Variants in PLCB1 observed in about 807,000 individuals in gnomAD.
PLCB1 encodes the protein phospholipase C beta 1, also known as 1-phosphatidylinositol 4,5-bisphosphate phosphodiesterase beta-1.
Under a neutral mutation model 161.8 loss-of-function variants are expected in PLCB1, and 46 were observed. That is an observed-to-expected ratio of 0.28 (90% CI 0.22 to 0.36). PLCB1 has a LOEUF of 0.36. PLCB1 is among the 10% of genes least tolerant of loss of function. PLCB1 has a pLI of 1.00. For synonymous variants in PLCB1, 517 were observed against 503.7 expected, an observed-to-expected ratio of 1.03 and a Z score of -0.35; for missense variants, 1,016 against 1,472.5, an observed-to-expected ratio of 0.69 and a Z score of 5.07.
intron 2 of PLCB1, among the ~76,000 whole-genome samples, chr20:8,289,907 T>C (rs1397162371): frequency 6.6e-6 from 1 of 152,172 alleles, no homozygotes; most frequent in African/African-American, 2.4e-5. Context: ...CTAATAGAGG[T>C]GGATGATGGC....
At chr20:8,171,980 T>C (rs1016555745) in intron 2 of PLCB1, among the ~76,000 whole-genome samples, 2 of 152,098 alleles carry the variant, frequency 1.3e-5, no homozygotes, top group African/African-American at 4.8e-5. Context: ...TTGTTGCGTA[T>C]CATATGTTCT....
intron 3 of PLCB1, among the ~76,000 whole-genome samples, chr20:8,413,501 A>T (rs1350292993): frequency 2.6e-5 from 4 of 152,344 alleles, no homozygotes; most frequent in Non-Finnish European, 5.9e-5. Context: ...TTGATAATTA[A>T]AGTACACAAA....
At position 8,729,043 on chromosome 20, in the gene PLCB1, G is replaced by C; in HGVS notation, c.1764-7G>C. ...AATTGTATTCACTACTTAACATGAT[G>C]GTCCAGATATAACAAAATGCAGCTT... On this transcript the variant is annotated splice_polypyrimidine_tract_variant and splice_region_variant and intron_variant, in intron 17 of 31. Transcript: ENST00000338037. 1 of 1,594,138 alleles carries C rather than the reference G, an allele frequency of 6.3e-7. No individual in the cohort carries two copies. The highest frequency in any genetic ancestry group is 8.6e-7 in the Non-Finnish European group (1 of 1,168,152).
At chr20:8,339,752 TAAC>T (rs1273112548) in intron 2 of PLCB1, among the ~76,000 whole-genome samples, 1 of 152,206 alleles carries the variant, frequency 6.6e-6, no homozygotes, top group Non-Finnish European at 1.5e-5. Flanking sequence ...GCCAGTTACT[TAAC>T]AACCCCAAGT....
chr20:8,591,302 G>A (rs1008298361), intron 3 of PLCB1, among the ~76,000 whole-genome samples: 1 of 152,124 alleles, frequency 6.6e-6, no homozygotes, highest in Admixed American at 6.5e-5. Context: ...ACTTTGGGGA[G>A]CCATTATTCT....
In PLCB1 at chr20:8,821,496, AAT is replaced by A. The variant is rs1456954260; in HGVS notation, c.3423+31238_3423+31239del. Among the ~76,000 whole-genome samples, 26 of 2,980 alleles carry A rather than the reference AAT, an allele frequency of 8.7e-3. 1 individual carries two copies. Among genetic ancestry groups the A allele is most frequent in the East Asian group, 0.019 (1 of 52 alleles). The allele number at this position is 2,980 out of a possible 152,430, so 2.0% of individuals were successfully genotyped here. Reference sequence around the variant, plus strand: ...CCGTCTCAAAAAAAAAAAAAAAAAAAATATGTATATATATATATATATATATA... The same window carrying A: ...CCGTCTCAAAAAAAAAAAAAAAAAAAATGTATATATATATATATATATATA... On this transcript the variant is annotated intron_variant, in intron 31 of 31. Coordinates refer to ENST00000338037, the MANE Select transcript of PLCB1 (RefSeq NM_015192.4).
intron 2 of PLCB1, among the ~76,000 whole-genome samples, chr20:8,309,285 C>T (rs575079270): frequency 3.3e-5 from 5 of 152,192 alleles, no homozygotes; most frequent in East Asian, 3.9e-4. Flanking sequence ...TATCCTTCTA[C>T]GAGGCACAGA....
chr20:8,704,619 T>A (rs545218064), intron 11 of PLCB1, among the ~76,000 whole-genome samples: 1 of 152,228 alleles, frequency 6.6e-6, no homozygotes, highest in Non-Finnish European at 1.5e-5. Context: ...CAGACCACAT[T>A]TATCCTGTCA....
chr20:8,604,527 G>A (rs1987701177), intron 3 of PLCB1, among the ~76,000 whole-genome samples: 1 of 152,034 alleles, frequency 6.6e-6, no homozygotes, highest in Non-Finnish European at 1.5e-5. Flanking sequence ...CTGTAAAGCT[G>A]TGATTTGAGT....
At chr20:8,426,861 A>G (rs956955607) in intron 3 of PLCB1, among the ~76,000 whole-genome samples, 2 of 152,208 alleles carry the variant, frequency 1.3e-5, no homozygotes, top group African/African-American at 2.4e-5. Context: ...CAGGACATAG[A>G]AAAGAAATAT....
chr20:8,375,534 A>T (rs530150577), intron 3 of PLCB1, among the ~76,000 whole-genome samples: 1 of 151,716 alleles, frequency 6.6e-6, no homozygotes, highest in African/African-American at 2.4e-5. Flanking sequence ...GTATGTTCTG[A>T]GTCACAGCAT....
chr20:8,406,309 A>G (rs1018765261), intron 3 of PLCB1, among the ~76,000 whole-genome samples: 1 of 152,230 alleles, frequency 6.6e-6, no homozygotes, highest in Non-Finnish European at 1.5e-5. Flanking sequence ...AATGAAAACA[A>G]ATTTATTCAA....
chr20:8,456,353 G>T (rs1016349279), intron 3 of PLCB1, among the ~76,000 whole-genome samples: 1 of 152,162 alleles, frequency 6.6e-6, no homozygotes, highest in African/African-American at 2.4e-5. Context: ...TCCGATCTTT[G>T]CTGTGAATTG....
chr20:8,582,174 G>A (rs978593217), intron 3 of PLCB1, among the ~76,000 whole-genome samples: 1 of 152,178 alleles, frequency 6.6e-6, no homozygotes, highest in Non-Finnish European at 1.5e-5. Flanking sequence ...ATAGCCCAAT[G>A]TAGATGCTAT....
chr20:8,454,437 GC>G (rs1981207480), intron 3 of PLCB1, among the ~76,000 whole-genome samples: 1 of 152,186 alleles, frequency 6.6e-6, no homozygotes, highest in South Asian at 2.1e-4. Flanking sequence ...TTGACTCTGG[GC>G]CAGAGACCAT....
chr20:8,834,442 C>G (rs925474351), intron 31 of PLCB1, among the ~76,000 whole-genome samples: 2 of 151,686 alleles, frequency 1.3e-5, no homozygotes, highest in East Asian at 3.9e-4. Flanking sequence ...AGATTTATTG[C>G]AAGGGAATTG....
intron 3 of PLCB1, among the ~76,000 whole-genome samples, chr20:8,453,498 T>A (rs564983819): frequency 5.3e-5 from 8 of 152,240 alleles, no homozygotes; most frequent in African/African-American, 1.9e-4. Context: ...ATTCAATGAA[T>A]GTGGACTGAA....
chr20:8,819,879 G>T (rs1313033173), intron 31 of PLCB1, among the ~76,000 whole-genome samples: 2 of 151,812 alleles, frequency 1.3e-5, no homozygotes, highest in African/African-American at 2.4e-5. Flanking sequence ...GTTAAATAAT[G>T]GTCCCTCATA....
At chr20:8,845,645 CA>C (rs1284381943) in intron 31 of PLCB1, among the ~76,000 whole-genome samples, 2 of 151,840 alleles carry the variant, frequency 1.3e-5, no homozygotes, top group East Asian at 3.9e-4. Flanking sequence ...ACAACTATAT[CA>C]AGGGTTTTTT....
Sources: gnomAD v4.1 joint callset for allele counts (sites outside exome capture counted in the v4.1 genomes callset) on GRCh38, gnomAD v4.1.1 for gene constraint, MANE v1.5 for transcripts, NCBI Gene and HGNC (gene_info 2026-07-23, HGNC 2026-07-21) for gene names.